TBC1D14: variants seen among roughly 807,000 people sequenced by gnomAD.
TBC1D14 encodes TBC1 domain family member 14.
In TBC1D14, 26 loss-of-function variants were observed where a neutral mutation model predicts 79.0. That is an observed-to-expected ratio of 0.33 (90% CI 0.24 to 0.46). TBC1D14 has a LOEUF of 0.46. TBC1D14 is among the 20% of genes least tolerant of loss of function. The probability of loss-of-function intolerance (pLI) is 1.00; values close to 1 mark genes in which losing one functional copy is unlikely to be tolerated. For synonymous variants in TBC1D14, 394 were observed against 349.9 expected (o/e 1.13, Z -1.40); for missense variants, 769 against 887.6 (o/e 0.87, Z 1.70).
intron 2 of TBC1D14, among the ~76,000 whole-genome samples, chr4:6,928,874 G>A (rs911383507): frequency 6.6e-6 from 1 of 152,140 alleles, no homozygotes; most frequent in Admixed American, 6.5e-5. Flanking sequence ...ACATACATGG[G>A]ACGCACTGGG....
intron 2 of TBC1D14, among the ~76,000 whole-genome samples, chr4:6,934,232 C>G (rs1037222246): frequency 6.6e-6 from 1 of 151,342 alleles, no homozygotes; most frequent in African/African-American, 2.4e-5. Flanking sequence ...CCTGCCGGCA[C>G]CAGGAGATCT....
chr4:6,968,177 A>G (rs1715875192), intron 3 of TBC1D14, among the ~76,000 whole-genome samples: 1 of 151,884 alleles, frequency 6.6e-6, no homozygotes, highest in African/African-American at 2.4e-5. Context: ...ATTCATTGAC[A>G]TTTGCTCAGT....
At chr4:6,922,210 C>A (rs1190608142) in intron 1 of TBC1D14, among the ~76,000 whole-genome samples, 1 of 152,116 alleles carries the variant, frequency 6.6e-6, no homozygotes, top group African/African-American at 2.4e-5. Context: ...TGTGCCACCA[C>A]CCCCAGTTGA....
intron 2 of TBC1D14, chr4:6,954,296 T>C: frequency 2.8e-6 from 2 of 717,498 alleles, no homozygotes; most frequent in Non-Finnish European, 5.2e-6. Flanking sequence ...GAGGTCACAG[T>C]AGACATGATG....
intron 3 of TBC1D14, chr4:6,987,552 G>T (rs1439192013): frequency 2.4e-6 from 1 of 421,994 alleles, no homozygotes; most frequent in Non-Finnish European, 4.1e-6. Flanking sequence ...CTGCTGATGC[G>T]CTCTCCTCCC....
intron 9 of TBC1D14, chr4:7,007,569 C>T (rs1220089331): frequency 7.8e-7 from 1 of 1,289,336 alleles, no homozygotes. Flanking sequence ...GAAATCTTTT[C>T]AGAAGAGGAA....
chr4:6,946,903 G>T (rs1182855181), intron 2 of TBC1D14, among the ~76,000 whole-genome samples: 1 of 152,058 alleles, frequency 6.6e-6, no homozygotes, highest in Non-Finnish European at 1.5e-5. Flanking sequence ...GCAATCCCTA[G>T]ACCCCTCATA....
At chr4:6,969,428 C>T (rs952130029) in intron 3 of TBC1D14, among the ~76,000 whole-genome samples, 17 of 151,366 alleles carry the variant, frequency 1.1e-4, no homozygotes, top group Non-Finnish European at 2.2e-4. Flanking sequence ...TTTTTTGAGA[C>T]GGAGTCTCAC....
intron 3 of TBC1D14, among the ~76,000 whole-genome samples, chr4:6,976,603 T>G (rs779162650): frequency 6.6e-6 from 1 of 152,168 alleles, no homozygotes; most frequent in African/African-American, 2.4e-5. Context: ...AATAAAGATA[T>G]TCTCAGGTGA....
intron 2 of TBC1D14, among the ~76,000 whole-genome samples, chr4:6,942,033 C>T (rs994539184): frequency 5.9e-5 from 9 of 152,224 alleles, no homozygotes; most frequent in African/African-American, 2.2e-4. Context: ...AGCAGTTCTT[C>T]AGCCATCAGC....
chr4:6,913,566 C>A (rs544668389), intron 1 of TBC1D14, among the ~76,000 whole-genome samples: 1 of 152,214 alleles, frequency 6.6e-6, no homozygotes, highest in African/African-American at 2.4e-5. Context: ...CTCTGAATCT[C>A]ATAGTTTCCT....
intron 3 of TBC1D14, among the ~76,000 whole-genome samples, chr4:6,992,939 A>G (rs138240677): frequency 0.012 from 1,815 of 152,376 alleles, 16 homozygotes; most frequent in Middle Eastern, 0.037. Flanking sequence ...CCAGGTGTAC[A>G]GAAACTGCCC....
intron 8 of TBC1D14, among the ~76,000 whole-genome samples, chr4:7,005,711 G>A (rs1442231337): frequency 4.6e-5 from 7 of 150,952 alleles, no homozygotes; most frequent in Non-Finnish European, 8.9e-5. Flanking sequence ...AAAAAAAAAA[G>A]AAATAGAACA....
intron 3 of TBC1D14, among the ~76,000 whole-genome samples, chr4:6,986,826 T>C (rs978375239): frequency 6.6e-6 from 1 of 152,218 alleles, no homozygotes; most frequent in Non-Finnish European, 1.5e-5. Flanking sequence ...TCTGAGTGTT[T>C]TGTGTGCTCC....
At chr4:6,962,643 C>T (rs1490499192) in intron 2 of TBC1D14, among the ~76,000 whole-genome samples, 1 of 152,022 alleles carries the variant, frequency 6.6e-6, no homozygotes, top group East Asian at 1.9e-4. Context: ...GCCCTCACCC[C>T]CTACTGGCCA....
rs564353464 is a variant in TBC1D14, at chr4:6,916,156, C to T, written c.-18+6205C>T. On this transcript the variant is annotated intron_variant, in intron 1 of 13. Transcript: ENST00000409757. Reference sequence around the variant, plus strand: ...AAAAAAAAAAAAAGGGATAAGAATCCGGAAGTCAGTGGCCAGAGCTGGGTT... The same window carrying T: ...AAAAAAAAAAAAAGGGATAAGAATCTGGAAGTCAGTGGCCAGAGCTGGGTT... Among the ~76,000 whole-genome samples, 6 of 151,282 alleles carry T rather than the reference C, an allele frequency of 4.0e-5. No homozygotes were observed. In the South Asian group the frequency reaches 6.3e-4, roughly 16 times the overall value.
At chr4:6,941,515 A>G (rs1463684767) in intron 2 of TBC1D14, among the ~76,000 whole-genome samples, 2 of 152,116 alleles carry the variant, frequency 1.3e-5, no homozygotes, top group East Asian at 1.9e-4. Flanking sequence ...TTACCACTTT[A>G]TGTTGCTCCT....
intron 3 of TBC1D14, among the ~76,000 whole-genome samples, chr4:6,984,886 A>G (rs1223288565): frequency 6.6e-6 from 1 of 152,220 alleles, no homozygotes; most frequent in Non-Finnish European, 1.5e-5. Context: ...TGGACTCGGC[A>G]GTGGTGTCTG....
intron 2 of TBC1D14, among the ~76,000 whole-genome samples, chr4:6,961,246 C>T (rs6855531): frequency 6.6e-6 from 1 of 151,996 alleles, no homozygotes; most frequent in East Asian, 1.9e-4. Flanking sequence ...TGGCCTGATC[C>T]CTGACGGCCC....
Sources: gnomAD v4.1 joint callset for allele counts (sites outside exome capture counted in the v4.1 genomes callset) on GRCh38, gnomAD v4.1.1 for gene constraint, MANE v1.5 for transcripts, NCBI Gene and HGNC (gene_info 2026-07-23, HGNC 2026-07-21) for gene names.